The following BBS9 variants were observed in gnomAD, a reference collection of about 807,000 sequenced individuals.
BBS9 encodes the protein protein PTHB1.
In BBS9, 89 loss-of-function variants were observed where a neutral mutation model predicts 117.7. That is an observed-to-expected ratio of 0.76 (90% confidence interval 0.64 to 0.90). The LOEUF (loss-of-function observed/expected upper bound fraction) is 0.90. Ranked by LOEUF, BBS9 falls within the 40% of genes least tolerant of loss-of-function variation. The pLI, the probability that BBS9 is intolerant of heterozygous loss-of-function variation, is 0.00. For missense variants in BBS9, 982 were observed against 1,042.2 expected, an observed-to-expected ratio of 0.94 and a Z score of 0.80; for synonymous variants, 379 against 370.9, an observed-to-expected ratio of 1.02 and a Z score of -0.25.
At chr7:33,211,694 C>T (rs1012408004) in intron 5 of BBS9, among the ~76,000 whole-genome samples, 3 of 152,066 alleles carry the variant, frequency 2.0e-5, no homozygotes, top group African/African-American at 7.2e-5. Context: ...TGTTTTGTAC[C>T]TTCAGGTGAT....
rs12673004 is a variant in BBS9 at position 33,382,023 on chromosome 7, C to G, written c.1790-1643C>G. ...TTATATGTCCATGTATCATGCTACT[C>G]TAGCTAGATCTTAGATTCCCTAAGC... is the stretch of plus-strand genomic sequence containing the variant. On this transcript the variant is annotated intron_variant, in intron 17 of 22. Transcript: ENST00000242067. Among the ~76,000 whole-genome samples, 3,024 of 152,252 alleles carry G rather than the reference C, an allele frequency of 0.02. 208 individuals are homozygous for G. The East Asian group carries it at 0.26, about 13-fold the overall frequency.
At chr7:33,478,912 G>A (rs1842159561) in intron 19 of BBS9, among the ~76,000 whole-genome samples, 1 of 144,646 alleles carries the variant, frequency 6.9e-6, no homozygotes, top group African/African-American at 2.6e-5. Context: ...TAAATATGGT[G>A]CTTTTGTTTT....
chr7:33,434,854 T>A (rs1304603288), intron 19 of BBS9, among the ~76,000 whole-genome samples: 1 of 152,142 alleles, frequency 6.6e-6, no homozygotes, highest in Non-Finnish European at 1.5e-5. Context: ...CATGATATTA[T>A]ATGAATTTAA....
At chr7:33,152,067 A>T (rs973771387) in intron 2 of BBS9, among the ~76,000 whole-genome samples, 2 of 152,086 alleles carry the variant, frequency 1.3e-5, no homozygotes, top group African/African-American at 2.4e-5. Context: ...CTCTTAAAGG[A>T]CACTAATTGA....
intron 21 of BBS9, among the ~76,000 whole-genome samples, chr7:33,597,289 A>G (rs915463241): frequency 2.0e-5 from 3 of 152,132 alleles, no homozygotes; most frequent in South Asian, 2.1e-4. Context: ...ATCTTGATCA[A>G]AAGAAAAATG....
At chr7:33,264,427 A>G (rs1233481844) in intron 7 of BBS9, 53 bp downstream of exon 7, 2 of 1,036,028 alleles carry the variant, frequency 1.9e-6, no homozygotes. Context: ...ATCTAATCAC[A>G]TATGTTTGTC....
intron 19 of BBS9, among the ~76,000 whole-genome samples, chr7:33,466,081 C>A (rs1004524647): frequency 6.6e-6 from 1 of 151,308 alleles, no homozygotes; most frequent in Non-Finnish European, 1.5e-5. Flanking sequence ...TATATATATA[C>A]ACACATTGTG....
At chr7:33,567,454 C>G (rs1476069276) in intron 21 of BBS9, among the ~76,000 whole-genome samples, 3 of 152,160 alleles carry the variant, frequency 2.0e-5, no homozygotes, top group Non-Finnish European at 4.4e-5. Context: ...TCCTTGAGCA[C>G]TCTTCCCCAG....
intron 19 of BBS9, among the ~76,000 whole-genome samples, chr7:33,439,311 TTAC>T (rs772248309): frequency 2.0e-5 from 3 of 152,196 alleles, no homozygotes; most frequent in Non-Finnish European, 4.4e-5. Flanking sequence ...ATGTGAGCTC[TTAC>T]TACTTTTTGC....
At chr7:33,583,159 G>A (rs2129164360) in intron 21 of BBS9, among the ~76,000 whole-genome samples, 1 of 152,222 alleles carries the variant, frequency 6.6e-6, no homozygotes, top group East Asian at 1.9e-4. Context: ...ATCTTAATAT[G>A]AAAGCATTTA....
chr7:33,174,827 C>T (rs1027457120), intron 4 of BBS9, among the ~76,000 whole-genome samples: 1 of 152,194 alleles, frequency 6.6e-6, no homozygotes, highest in Non-Finnish European at 1.5e-5. Context: ...CTAGAACTCT[C>T]TTCAGGTTAA....
Position 33,217,983 on chromosome 7 carries a change from G to A in BBS9, c.443-39253G>A, listed in dbSNP as rs116693193. Among the ~76,000 whole-genome samples the A allele has an allele frequency of 4.8e-3, 734 of 152,222 alleles. 9 individuals carry two copies. Among genetic ancestry groups the A allele is most frequent in the African/African-American group, 0.017 (706 of 41,528 alleles). On this transcript the variant is annotated intron_variant, in intron 5 of 22. Transcript: ENST00000242067. ...TAAACAGAAGTATAAAAAGGTCATAGGATGAAAACATTAAATTGTGTATAC... is the reference window on the plus strand; with the variant it reads ...TAAACAGAAGTATAAAAAGGTCATAAGATGAAAACATTAAATTGTGTATAC...
chr7:33,210,310 A>G (rs1306344331), intron 5 of BBS9, among the ~76,000 whole-genome samples: 1 of 152,200 alleles, frequency 6.6e-6, no homozygotes. Context: ...TTGTGACCTA[A>G]CATATGGTCT....
intron 21 of BBS9, among the ~76,000 whole-genome samples, chr7:33,593,800 C>A (rs188865550): frequency 1.5e-3 from 221 of 152,272 alleles, no homozygotes; most frequent in South Asian, 2.3e-3. Context: ...TACAGACTGA[C>A]ATCTGGAGAA....
intron 5 of BBS9, among the ~76,000 whole-genome samples, chr7:33,232,005 G>A (rs1792551340): frequency 6.6e-6 from 1 of 152,024 alleles, no homozygotes; most frequent in African/African-American, 2.4e-5. Flanking sequence ...AACATTATAG[G>A]ATGAATATTA....
intron 14 of BBS9, among the ~76,000 whole-genome samples, chr7:33,351,706 C>A (rs1262678433): frequency 6.6e-6 from 1 of 152,062 alleles, no homozygotes; most frequent in African/African-American, 2.4e-5. Context: ...ATTAGGCATG[C>A]GGACACAGTG....
chr7:33,312,066 A>G (rs1289604947), intron 9 of BBS9, among the ~76,000 whole-genome samples: 1 of 152,198 alleles, frequency 6.6e-6, no homozygotes, highest in Non-Finnish European at 1.5e-5. Flanking sequence ...AATGACATAC[A>G]ATTGTGTACC....
At chr7:33,314,568 T>A (rs1810063053) in intron 9 of BBS9, 1 of 158,974 alleles carries the variant, frequency 6.3e-6, no homozygotes, top group African/African-American at 2.4e-5. Context: ...GAGTTTTACA[T>A]TTCTTTGTTA....
At chr7:33,180,607 A>T (rs540272932) in intron 5 of BBS9, among the ~76,000 whole-genome samples, 1 of 152,228 alleles carries the variant, frequency 6.6e-6, no homozygotes, top group South Asian at 2.1e-4. Context: ...CGCCTGCCTC[A>T]GCCTCTCAAA....
Sources: allele counts gnomAD v4.1 joint callset (sites outside exome capture counted in the v4.1 genomes callset), GRCh38; gene constraint gnomAD v4.1.1; transcripts MANE v1.5; gene names NCBI Gene and HGNC (gene_info 2026-07-23, HGNC 2026-07-21).